The following TECPR2 variants were observed in gnomAD, a reference collection of about 807,000 sequenced individuals.
TECPR2 encodes the protein tectonin beta-propeller repeat-containing protein 2.
A neutral mutation model predicts 138.1 loss-of-function variants in TECPR2; 65 were observed. The ratio of observed to expected loss-of-function variants is 0.47; its 90% CI spans 0.39 to 0.58. The LOEUF is 0.58. Among genes scored for constraint, TECPR2 ranks in the 20% least tolerant of loss-of-function variants. The pLI is 0.00. For missense variants in TECPR2, 1,553 were observed against 1,824.5 expected, an observed-to-expected ratio of 0.85 and a Z score of 2.71; for synonymous variants, 746 against 749.8, an observed-to-expected ratio of 0.99 and a Z score of 0.08.
intron 2 of TECPR2, among the ~76,000 whole-genome samples, chr14:102,400,847 G>T (rs182602568): frequency 6.6e-6 from 1 of 151,014 alleles, no homozygotes; most frequent in African/African-American, 2.4e-5. Context: ...GCCTGGCCAA[G>T]ATGGTGTAAC....
At chr14:102,462,729 C>G (rs905245636) in intron 16 of TECPR2, among the ~76,000 whole-genome samples, 1 of 152,040 alleles carries the variant, frequency 6.6e-6, no homozygotes, top group Non-Finnish European at 1.5e-5. Flanking sequence ...AATAACCCAT[C>G]AAAATTAAAA....
chr14:102,364,328 T>TTTGTTG, intron 1 of TECPR2, among the ~76,000 whole-genome samples: 2 of 152,318 alleles, frequency 1.3e-5, no homozygotes, highest in South Asian at 4.1e-4. Flanking sequence ...TGACCTTATT[T>TTTGTTG]TTGTTGTTGT....
chr14:102,438,217 C>G lies in TECPR2; in HGVS notation c.2578+12C>G, dbSNP rs756015910. ...AGTCTCGCCCTCAGGTTCGCCTCCC[C>G]GCTCCCTGCTCCCGCTCCCTGCTCC... On this transcript the variant is annotated intron_variant, in intron 10 of 19. Coordinates refer to ENST00000359520, the MANE Select transcript of TECPR2 (RefSeq NM_014844.5). The G allele has an allele frequency of 2.8e-4, 240 of 871,482 alleles. No homozygotes were observed. Among genetic ancestry groups the G allele is most frequent in the Non-Finnish European group, 3.9e-4 (232 of 602,250 alleles). The allele number at this position is 871,482 out of a possible 1,614,324, so 54.0% of individuals were successfully genotyped here.
chr14:102,477,653 C>T (rs1298929907), intron 17 of TECPR2, among the ~76,000 whole-genome samples: 2 of 144,838 alleles, frequency 1.4e-5, no homozygotes, highest in African/African-American at 5.1e-5. Context: ...TGGGTTCATA[C>T]CATTCTCCTG....
In TECPR2 at chr14:102,471,679, A is replaced by C. The variant is rs1037439908; in HGVS notation, c.3789+6390A>C. Among the ~76,000 whole-genome samples the C allele has an allele frequency of 2.6e-5, 4 of 152,120 alleles. 1 individual carries two copies. In the South Asian group the frequency reaches 8.3e-4, roughly 32 times the overall value. On this transcript the variant is annotated intron_variant, in intron 17 of 19. Coordinates refer to ENST00000359520, the MANE Select transcript of TECPR2 (RefSeq NM_014844.5). The stretch of plus-strand genomic sequence containing the variant: ...ATTGCCAGTTTTATTGCCAATTGCC[A>C]CTATACTCCAGCCTGGGCAACAGAG...
intron 7 of TECPR2, 44 bp downstream of exon 7, chr14:102,428,426 A>G: frequency 1.2e-6 from 2 of 1,601,508 alleles, no homozygotes; most frequent in Non-Finnish European, 8.5e-7. Flanking sequence ...GATGGGAAGT[A>G]CTATACTCTG....
chr14:102,466,831 G>GC, intron 17 of TECPR2, among the ~76,000 whole-genome samples: 2 of 152,270 alleles, frequency 1.3e-5, no homozygotes, highest in South Asian at 2.1e-4. Context: ...CACAGAACCA[G>GC]CCCCTCCGCC....
intron 2 of TECPR2, among the ~76,000 whole-genome samples, chr14:102,384,339 T>A (rs972201690): frequency 8.5e-5 from 13 of 152,118 alleles, no homozygotes; most frequent in African/African-American, 3.1e-4. Context: ...CTCATGCTGC[T>A]TCCACTCATG....
intron 2 of TECPR2, among the ~76,000 whole-genome samples, chr14:102,394,134 G>C (rs1424032890): frequency 6.6e-6 from 1 of 152,114 alleles, no homozygotes; most frequent in Non-Finnish European, 1.5e-5. Context: ...CCCAACTCCA[G>C]ATCATAAAGT....
chr14:102,419,728 C>A lies in TECPR2; in HGVS notation c.638+4935C>A, dbSNP rs915975151. ...TTACATCCAGAAAACCTCAGAGGCC[C>A]TAGCCATCTGCAACCGTGGGTTTGC... On this transcript the variant is annotated intron_variant, in intron 5 of 19. Coordinates refer to ENST00000359520, the MANE Select transcript of TECPR2 (RefSeq NM_014844.5). This position sits in a 1 kb window ranked among gnomAD's most constrained non-coding sequence, Gnocchi z 4.8. Among the ~76,000 whole-genome samples the A allele has an allele frequency of 1.3e-5, 2 of 152,262 alleles. No individual in the cohort carries two copies. The highest frequency in any genetic ancestry group is 3.9e-4 in the East Asian group (2 of 5,176).
At chr14:102,466,110 T>C (rs4906205) in intron 17 of TECPR2, among the ~76,000 whole-genome samples, 107,887 of 151,882 alleles carry the variant, frequency 0.71, 39,044 homozygotes, top group African/African-American at 0.85. Flanking sequence ...GTAAATGCCT[T>C]TGTGCATAAC....
rs959171767 is a variant in TECPR2 at position 102,501,752 on chromosome 14, G to A, written c.*3495G>A. On this transcript the variant is annotated 3_prime_UTR_variant, in exon 20 of 20. Transcript: ENST00000359520. ...CATGGCCCCTGCACAAGGATGACTC[G>A]CAAATTCATAAAGCTTTCCATAAAT... 6 of 152,146 alleles carry A rather than the reference G, an allele frequency of 3.9e-5. No homozygotes were observed. The highest frequency in any genetic ancestry group is 7.2e-5 in the African/African-American group (3 of 41,414). The allele number at this position is 152,146 out of a possible 1,614,324, so 9.4% of individuals were successfully genotyped here.
Position 102,498,476 on chromosome 14 carries a change from C to T in TECPR2, c.*219C>T. The stretch of plus-strand genomic sequence containing the variant: ...CGTGATTGCTGCAGCAGTGGCGCCT[C>T]CTAGCTCAGGACAGTGGCGACTGCC... On this transcript the variant is annotated 3_prime_UTR_variant, in exon 20 of 20. Coordinates refer to ENST00000359520, the MANE Select transcript of TECPR2 (RefSeq NM_014844.5). 1 of 632,608 alleles carries T rather than the reference C, an allele frequency of 1.6e-6. No individual in the cohort carries two copies. The allele number at this position is 632,608 out of a possible 1,614,324, so 39.2% of individuals were successfully genotyped here. A position where few individuals can be genotyped will look rare whatever the true frequency, so the allele number is the denominator to read the frequency against.
At position 102,488,213 on chromosome 14, in the gene TECPR2, T is replaced by G. The variant is rs575277176; in HGVS notation, c.3790-8766T>G. ...TTTAGATCACCTACTACTTTTTTTT[T>G]GTTTTTTTAGTAGAGATTAGGTCTC... On this transcript the variant is annotated intron_variant, in intron 17 of 19. Transcript: ENST00000359520. 3.3e-5 allele frequency among the ~76,000 whole-genome samples: 5 copies of G among 152,092 alleles called. No homozygotes were observed. The East Asian group carries it at 9.7e-4, about 29-fold the overall frequency.
At chr14:102,491,617 T>C (rs1891162461) in intron 17 of TECPR2, among the ~76,000 whole-genome samples, 1 of 151,874 alleles carries the variant, frequency 6.6e-6, no homozygotes, top group Admixed American at 6.5e-5. Flanking sequence ...GCAGCCACTC[T>C]GGCCTCACCA....
chr14:102,369,233 C>T (rs754319835), intron 1 of TECPR2, among the ~76,000 whole-genome samples: 8 of 152,084 alleles, frequency 5.3e-5, no homozygotes, highest in Admixed American at 2.6e-4. Context: ...CTCTTGACTC[C>T]CTTCTAGCTA....
intron 8 of TECPR2, among the ~76,000 whole-genome samples, chr14:102,432,776 C>T (rs965919232): frequency 4.0e-5 from 6 of 151,840 alleles, no homozygotes; most frequent in Non-Finnish European, 8.8e-5. Flanking sequence ...GAGGCCGAGG[C>T]AGGCGGATCA....
intron 2 of TECPR2, among the ~76,000 whole-genome samples, chr14:102,399,785 C>T (rs939019576): frequency 2.0e-5 from 3 of 151,154 alleles, no homozygotes; most frequent in Non-Finnish European, 4.4e-5. Context: ...GAACTGAGAT[C>T]TGGCCACTGC....
chr14:102,483,777 C>CTCCTTT, intron 17 of TECPR2, among the ~76,000 whole-genome samples: 10 of 139,812 alleles, frequency 7.2e-5, no homozygotes, highest in African/African-American at 2.8e-4. Flanking sequence ...GGCTGAAGGC[C>CTCCTTT]TCCTTTTCCT....
Sources: gnomAD v4.1 joint callset for allele counts (sites outside exome capture counted in the v4.1 genomes callset) on GRCh38, gnomAD v4.1.1 for gene constraint, Gnocchi (gnomAD v3.1) non-coding constraint, MANE v1.5 for transcripts, NCBI Gene and HGNC (gene_info 2026-07-23, HGNC 2026-07-21) for gene names.